Variants in TFEB observed in about 807,000 individuals in gnomAD.
TFEB encodes transcription factor EB, also known as T-cell transcription factor EB.
TFEB carries 12 observed loss-of-function variants against 48.0 expected under a neutral mutation model. That is an observed-to-expected ratio of 0.25 (90% CI 0.16 to 0.40). The LOEUF is 0.40. Ranked by LOEUF, TFEB falls within the 10% of genes least tolerant of loss-of-function variation. The pLI is 1.00. For synonymous variants in TFEB, 244 were observed against 261.4 expected (o/e 0.93, Z 0.64); for missense variants, 509 against 640.3 (o/e 0.79, Z 2.21).
chr6:41,694,839 T>C lies in TFEB; in HGVS notation c.-22-3604A>G, dbSNP rs575183001. On this transcript the variant is annotated intron_variant, in intron 1 of 8. Coordinates refer to ENST00000373033, the MANE Select transcript of TFEB (RefSeq NM_001271944.2). ...CATGTAGACACCAGGGATGGGGCACTTCCCTGGAGAGCCTTCTCCCCTGCC... is the reference window on the plus strand; with the variant it reads ...CATGTAGACACCAGGGATGGGGCACCTCCCTGGAGAGCCTTCTCCCCTGCC... 3.2e-3 allele frequency among the ~76,000 whole-genome samples: 484 copies of C among 151,962 alleles called. 4 individuals are homozygous for C. In the South Asian group the frequency reaches 0.032, roughly 10 times the overall value.
Position 41,691,062 on chromosome 6 carries a change from G to A in TFEB, c.152C>T (p.Pro51Leu), listed in dbSNP as rs199806477. The A allele has an allele frequency of 1.0e-5, 16 of 1,571,614 alleles. No individual in the cohort carries two copies. Among genetic ancestry groups the A allele is most frequent in the East Asian group, 4.7e-5 (2 of 42,526 alleles). ...QQQQLGGPPT[P>L]AINTPVHFQS... ...GAAGTGGACGGGGGTATTGATGGCC[G>A]GGGTGGGCGGCCCTCCGAGCTGCTG... Residue 51 changes from proline to leucine, a missense_variant, in exon 2 of 9, where the codon CCG becomes CTG. Transcript: ENST00000373033. The surrounding 1 kb of genome is among the most constrained non-coding windows in gnomAD (Gnocchi z 5.2).
chr6:41,736,153 A>C (rs1414467728), upstream of TFEB: 2 of 1,612,824 alleles, frequency 1.2e-6, no homozygotes, highest in Admixed American at 3.3e-5. Context: ...CACCAGCCTG[A>C]GCTTGCTGTC....
intron 3 of TFEB, 141 bp downstream of exon 3, chr6:41,690,522 C>T: frequency 9.6e-7 from 1 of 1,039,284 alleles, no homozygotes; most frequent in East Asian, 3.0e-5. Context: ...TTGGGGCTCC[C>T]TGAGAAGGGC....
At chr6:41,696,806 G>A (rs144586895) in intron 1 of TFEB, among the ~76,000 whole-genome samples, 24 of 152,240 alleles carry the variant, frequency 1.6e-4, no homozygotes, top group African/African-American at 4.6e-4. Flanking sequence ...GATGACTCTC[G>A]CAGACATAAT....
chr6:41,684,810 T>C lies in TFEB; in HGVS notation c.1220A>G (p.Asp407Gly), dbSNP rs774944667. Residue 407 changes from aspartate (D) to glycine (G), a missense_variant, in exon 9 of 9, where the codon GAC (aspartate) becomes GGC (glycine). Around this residue, in one of 4 missense-constraint regions of TFEB, gnomAD observed 168 missense variants for 161.0 expected, o/e 1.04. Transcript: ENST00000373033. ...TTCGGGGTAGCCCGGGGGACCCTCG[T>C]CCTCCCTGCCCCCAAAGCTCAGGCT... ...SHSLSFGGRE[D>G]EGPPGYPEPL... is the part of the protein sequence containing the mutation. 1.3e-6 allele frequency: 2 copies of C among 1,597,594 alleles called. No homozygotes were observed. Among genetic ancestry groups the C allele is most frequent in the Non-Finnish European group, 1.7e-6 (2 of 1,171,504 alleles).
intron 1 of TFEB, among the ~76,000 whole-genome samples, chr6:41,725,493 C>A (rs1361937450): frequency 2.0e-5 from 3 of 152,216 alleles, no homozygotes; most frequent in Non-Finnish European, 1.5e-5. Flanking sequence ...GTTCAGTACC[C>A]TCTGGGAAGA....
intron 1 of TFEB, among the ~76,000 whole-genome samples, chr6:41,698,327 G>A (rs6916515): frequency 0.094 from 14,275 of 152,180 alleles, 889 homozygotes; most frequent in Non-Finnish European, 0.13. Flanking sequence ...GGGTGAGGGC[G>A]GCCACGTTTT....
chr6:41,713,630 G>A (rs921379281), intron 1 of TFEB, among the ~76,000 whole-genome samples: 1 of 152,162 alleles, frequency 6.6e-6, no homozygotes, highest in African/African-American at 2.4e-5. Context: ...TCAGGCACCT[G>A]GTGGGCAGCA....
At chr6:41,688,859 C>T (rs576767329) in intron 4 of TFEB, among the ~76,000 whole-genome samples, 7 of 152,308 alleles carry the variant, frequency 4.6e-5, no homozygotes, top group Non-Finnish European at 8.8e-5. Context: ...GAACTGGGGA[C>T]TTTCCCTTGG....
intron 1 of TFEB, among the ~76,000 whole-genome samples, chr6:41,703,445 C>T (rs370651495): frequency 6.6e-6 from 1 of 151,634 alleles, no homozygotes; most frequent in African/African-American, 2.4e-5. Context: ...CCTGCCCCTG[C>T]TCCTGGGGCT....
At chr6:41,733,666 T>G in intron 1 of TFEB, 1 of 985,286 alleles carries the variant, frequency 1.0e-6, no homozygotes, top group Non-Finnish European at 1.2e-6. Context: ...AAGCATACCG[T>G]CAGGTTAGCA....
intron 1 of TFEB, chr6:41,732,809 TCCCA>T: frequency 1.0e-6 from 1 of 985,846 alleles, no homozygotes; most frequent in Non-Finnish European, 1.2e-6. Flanking sequence ...AACCCTGAAC[TCCCA>T]CCCTCCGATC....
intron 1 of TFEB, among the ~76,000 whole-genome samples, chr6:41,702,854 G>C (rs1770005250): frequency 6.6e-6 from 1 of 152,224 alleles, no homozygotes; most frequent in South Asian, 2.1e-4. Flanking sequence ...CCTTGGGCAA[G>C]TCCTGTCCCC....
At chr6:41,706,077 C>T (rs1156675203) in intron 1 of TFEB, 2 of 152,458 alleles carry the variant, frequency 1.3e-5, no homozygotes, top group African/African-American at 2.4e-5. Flanking sequence ...CGCTCTTCCT[C>T]CCCAACCCCA....
rs547393645 is a variant in TFEB at position 41,730,494 on chromosome 6, C to G, written c.-23+4856G>C. The stretch of plus-strand genomic sequence containing the variant: ...GGATCTTATGGGGCCAGGTGGCTCT[C>G]CCCATAAGAAAGCTGGACAAAAGAT... On this transcript the variant is annotated intron_variant, in intron 1 of 8. Transcript: ENST00000373033. The surrounding 1 kb of genome is among the most constrained non-coding windows in gnomAD (Gnocchi z 4.1). 1.5e-4 allele frequency among the ~76,000 whole-genome samples: 23 copies of G among 152,290 alleles called. No homozygotes were observed. Among genetic ancestry groups the G allele is most frequent in the African/African-American group, 5.5e-4 (23 of 41,550 alleles).
chr6:41,729,247 T>G (rs1247905505), intron 1 of TFEB, among the ~76,000 whole-genome samples: 1 of 151,676 alleles, frequency 6.6e-6, no homozygotes, highest in Non-Finnish European at 1.5e-5. Flanking sequence ...CCATCCACTC[T>G]CTCAAGGCCC....
chr6:41,722,427 C>T (rs1249068918), intron 1 of TFEB, among the ~76,000 whole-genome samples: 1 of 152,236 alleles, frequency 6.6e-6, no homozygotes, highest in African/African-American at 2.4e-5. Flanking sequence ...GACCCTCCAT[C>T]CTCCTCCTCT....
At position 41,719,825 on chromosome 6, in the gene TFEB, C is replaced by G. The variant is rs558874435; in HGVS notation, c.-23+15525G>C. Among the ~76,000 whole-genome samples, 12 of 152,300 alleles carry G rather than the reference C, an allele frequency of 7.9e-5. No homozygotes were observed. In the South Asian group the frequency reaches 2.5e-3, roughly 32 times the overall value. On this transcript the variant is annotated intron_variant, in intron 1 of 8. Transcript: ENST00000373033. ...GAACTCTAGTATCCCGAATCCAGAA[C>G]TCAGGCCCTCAGGCCAGCTCTCCCA...
chr6:41,723,401 TCA>T lies in TFEB; in HGVS notation c.-23+11947_-23+11948del. The stretch of plus-strand genomic sequence containing the variant: ...CAGGCTAACACACATGGACACACAT[TCA>T]CACACATGCTCACACACATGCACAC... On this transcript the variant is annotated intron_variant, in intron 1 of 8. Transcript: ENST00000373033. This position sits in a 1 kb window ranked among gnomAD's most constrained non-coding sequence, Gnocchi z 6.0. 9.4e-7 allele frequency: 1 copy of T among 1,069,114 alleles called. No homozygotes were observed. Among genetic ancestry groups the T allele is most frequent in the Non-Finnish European group, 1.3e-6 (1 of 790,672 alleles). 66.2% of individuals were successfully genotyped at this position (1,069,114 alleles called of 1,614,324 possible).
Sources: gnomAD v4.1 joint callset for allele counts (sites outside exome capture counted in the v4.1 genomes callset) on GRCh38, gnomAD v4.1.1 for gene constraint, gnomAD v4.1.1 regional missense constraint, Gnocchi (gnomAD v3.1) non-coding constraint, MANE v1.5 for transcripts, NCBI Gene and HGNC (gene_info 2026-07-23, HGNC 2026-07-21) for gene names.